Variants in PRKG1 observed in about 807,000 individuals in gnomAD.
PRKG1 encodes the protein protein kinase cGMP-dependent 1.
In PRKG1, 35 loss-of-function variants were observed where a neutral mutation model predicts 88.1. The observed-to-expected ratio is 0.40, with a 90% CI of 0.30 to 0.53. The LOEUF (loss-of-function observed/expected upper bound fraction) is 0.53, where lower values mean the gene tolerates loss of function less well. Ranked by LOEUF, PRKG1 falls within the 20% of genes least tolerant of loss-of-function variation. The pLI is 0.59. For missense variants in PRKG1, 540 were observed against 839.8 expected, an observed-to-expected ratio of 0.64 and a Z score of 4.41; for synonymous variants, 303 against 292.5, an observed-to-expected ratio of 1.04 and a Z score of -0.37.
chr10:51,846,770 A>G (rs1840409375), intron 4 of PRKG1, among the ~76,000 whole-genome samples: 1 of 152,146 alleles, frequency 6.6e-6, no homozygotes, highest in Non-Finnish European at 1.5e-5. Flanking sequence ...TTTTGAGGAT[A>G]CAAGTTTAAA....
rs73343359 is a variant in PRKG1 at position 51,716,379 on chromosome 10, T to C, written c.593-88206T>C. On this transcript the variant is annotated intron_variant, in intron 3 of 17. Coordinates refer to ENST00000373980, the MANE Select transcript of PRKG1 (RefSeq NM_006258.4). ...ACATTCTCTGCCATTCTAAAATCCA[T>C]GTCTCAAAATTAAGCCCAGGTATCT... Among the ~76,000 whole-genome samples, 813 of 152,320 alleles carry C rather than the reference T, an allele frequency of 5.3e-3. 7 individuals carry two copies. The highest frequency in any genetic ancestry group is 0.019 in the African/African-American group (785 of 41,574).
chr10:51,387,885 T>A (rs1397655816), intron 2 of PRKG1, among the ~76,000 whole-genome samples: 1 of 152,174 alleles, frequency 6.6e-6, no homozygotes, highest in Non-Finnish European at 1.5e-5. Context: ...TATTTTATTA[T>A]TAATAATAAA....
chr10:52,114,232 T>A (rs186629265), intron 7 of PRKG1, among the ~76,000 whole-genome samples: 8 of 152,176 alleles, frequency 5.3e-5, no homozygotes, highest in Admixed American at 5.2e-4. Flanking sequence ...GGAGATAATA[T>A]GATTAGTGGA....
At chr10:52,185,658 C>T (rs1839180226) in intron 9 of PRKG1, among the ~76,000 whole-genome samples, 2 of 152,234 alleles carry the variant, frequency 1.3e-5, no homozygotes, top group Non-Finnish European at 2.9e-5. Context: ...GGGCTTCACT[C>T]CTGTGGCAGC....
intron 2 of PRKG1, among the ~76,000 whole-genome samples, chr10:51,310,407 T>G (rs1432830490): frequency 6.6e-6 from 1 of 152,088 alleles, no homozygotes; most frequent in East Asian, 1.9e-4. Flanking sequence ...GAATAAGAAG[T>G]TTTTCTGTCC....
chr10:51,898,032 T>C (rs1841893315), intron 4 of PRKG1, among the ~76,000 whole-genome samples: 1 of 152,016 alleles, frequency 6.6e-6, no homozygotes, highest in Non-Finnish European at 1.5e-5. Flanking sequence ...CTCCCTCTTT[T>C]CCCCAGTTCA....
chr10:51,141,089 CG>C (rs1461001491), intron 1 of PRKG1, among the ~76,000 whole-genome samples: 5 of 152,150 alleles, frequency 3.3e-5, no homozygotes, highest in Admixed American at 3.3e-4. Context: ...CCCACAACCT[CG>C]GGGACCAACA....
At chr10:51,632,697 T>C (rs1313096801) in intron 3 of PRKG1, among the ~76,000 whole-genome samples, 1 of 152,186 alleles carries the variant, frequency 6.6e-6, no homozygotes, top group Non-Finnish European at 1.5e-5. Flanking sequence ...AAGTTATGCT[T>C]GTAGCTAAAA....
intron 3 of PRKG1, among the ~76,000 whole-genome samples, chr10:51,776,628 C>T (rs112007323): frequency 9.5e-4 from 144 of 152,152 alleles, no homozygotes; most frequent in African/African-American, 3.2e-3. Context: ...TGTTCAAGAC[C>T]GGCCTGGCCA....
chr10:51,471,506 A>G (rs1441054314), intron 3 of PRKG1, among the ~76,000 whole-genome samples: 2 of 151,686 alleles, frequency 1.3e-5, no homozygotes, highest in African/African-American at 4.8e-5. Context: ...GTGTGATTTC[A>G]CTTTTACTAC....
chr10:52,000,267 A>T (rs1042645767), intron 5 of PRKG1, among the ~76,000 whole-genome samples: 2 of 152,074 alleles, frequency 1.3e-5, no homozygotes, highest in African/African-American at 2.4e-5. Context: ...AAACTGCATT[A>T]TTGTTTTTCG....
At chr10:52,055,669 T>C (rs1389760867) in intron 6 of PRKG1, among the ~76,000 whole-genome samples, 1 of 151,532 alleles carries the variant, frequency 6.6e-6, no homozygotes, top group African/African-American at 2.4e-5. Context: ...CTTTATTATA[T>C]ATCATTACAA....
intron 5 of PRKG1, among the ~76,000 whole-genome samples, chr10:52,002,470 C>T (rs1411922052): frequency 6.6e-6 from 1 of 152,052 alleles, no homozygotes; most frequent in Admixed American, 6.6e-5. Flanking sequence ...TCTTGCCTTC[C>T]CTCCTTTCTT....
chr10:51,277,680 G>C (rs899267957), intron 2 of PRKG1, among the ~76,000 whole-genome samples: 1 of 152,172 alleles, frequency 6.6e-6, no homozygotes, highest in Non-Finnish European at 1.5e-5. Flanking sequence ...CACATCCCTT[G>C]TAAGTTGGAT....
chr10:52,174,481 A>G (rs993239394), intron 9 of PRKG1, among the ~76,000 whole-genome samples: 10 of 152,024 alleles, frequency 6.6e-5, no homozygotes, highest in Non-Finnish European at 1.3e-4. Context: ...AATAGAGGGG[A>G]GCAGGGAGAG....
chr10:51,001,424 G>A (rs1484286602), intron 1 of PRKG1, among the ~76,000 whole-genome samples: 1 of 152,142 alleles, frequency 6.6e-6, no homozygotes, highest in Non-Finnish European at 1.5e-5. Context: ...AAGTTTGGAA[G>A]GGAAAAATCT....
At chr10:51,039,630 G>T (rs554991633) in intron 1 of PRKG1, among the ~76,000 whole-genome samples, 1 of 151,772 alleles carries the variant, frequency 6.6e-6, no homozygotes, top group Non-Finnish European at 1.5e-5. Context: ...TTTTGCTTTG[G>T]CTGCCTGTGC....
At chr10:52,232,006 T>G (rs1054935956) in intron 9 of PRKG1, among the ~76,000 whole-genome samples, 1 of 152,196 alleles carries the variant, frequency 6.6e-6, no homozygotes, top group Non-Finnish European at 1.5e-5. Context: ...TGCTGGTGCT[T>G]TGATTCTTCA....
chr10:52,201,640 G>T (rs532745437), intron 9 of PRKG1, among the ~76,000 whole-genome samples: 1 of 152,088 alleles, frequency 6.6e-6, no homozygotes, highest in East Asian at 1.9e-4. Flanking sequence ...AATTGCTTTA[G>T]GCAGTATGGC....
Sources: gnomAD v4.1 joint callset for allele counts (sites outside exome capture counted in the v4.1 genomes callset) on GRCh38, gnomAD v4.1.1 for gene constraint, MANE v1.5 for transcripts, NCBI Gene and HGNC (gene_info 2026-07-23, HGNC 2026-07-21) for gene names.